Variants in CDON observed in about 807,000 individuals in gnomAD.
CDON encodes cell adhesion associated, oncogene regulated.
Under a neutral mutation model 120.9 loss-of-function variants are expected in CDON, and 73 were observed. That is an observed-to-expected ratio of 0.60 (90% CI 0.50 to 0.73). The LOEUF (loss-of-function observed/expected upper bound fraction) is 0.73. Ranked by LOEUF, CDON falls within the 30% of genes least tolerant of loss-of-function variation. The pLI is 0.00. For synonymous variants in CDON, 566 were observed against 573.5 expected (o/e 0.99, Z 0.19); for missense variants, 1,470 against 1,587.3 (o/e 0.93, Z 1.26).
chr11:126,055,179 T>C (rs1357612701), intron 1 of CDON, among the ~76,000 whole-genome samples: 2 of 152,180 alleles, frequency 1.3e-5, no homozygotes. Context: ...GATGAGTTAG[T>C]AGCAGTTTAA....
intron 18 of CDON, among the ~76,000 whole-genome samples, chr11:125,965,196 G>A (rs989108901): frequency 6.6e-6 from 1 of 152,174 alleles, no homozygotes; most frequent in African/African-American, 2.4e-5. Context: ...CTCCCAAAGT[G>A]CTAGGATTAC....
chr11:125,966,747 A>G (rs1055813461), intron 18 of CDON, among the ~76,000 whole-genome samples: 2 of 152,200 alleles, frequency 1.3e-5, no homozygotes, highest in African/African-American at 4.8e-5. Context: ...TATTACCTTG[A>G]AAGGGAACAA....
intron 1 of CDON, among the ~76,000 whole-genome samples, chr11:126,037,894 G>GA (rs1468614449): frequency 6.6e-6 from 1 of 151,938 alleles, no homozygotes; most frequent in African/African-American, 2.4e-5. Context: ...ATGTGTAAAT[G>GA]AAAAAACACA....
intron 7 of CDON, 192 bp downstream of exon 7, chr11:126,015,049 G>A: frequency 1.6e-6 from 1 of 626,000 alleles, no homozygotes; most frequent in Non-Finnish European, 2.8e-6. Context: ...TTTTTTTAAT[G>A]AGCTTGATTA....
chr11:126,034,572 C>A lies in CDON; in HGVS notation c.-61-11035G>T, dbSNP rs1948042449. ...AAGTCAAGTGTTCCTGTTCCACTCTCTTTCTAAGAGACTATTTCTTCCTGC... is the reference window on the plus strand; with the variant it reads ...AAGTCAAGTGTTCCTGTTCCACTCTATTTCTAAGAGACTATTTCTTCCTGC... On this transcript the variant is annotated intron_variant, in intron 1 of 19. Coordinates refer to ENST00000531738, the MANE Select transcript of CDON (RefSeq NM_001378964.1). The surrounding 1 kb of genome is among the most constrained non-coding windows in gnomAD (Gnocchi z 4.5). 6.6e-6 allele frequency among the ~76,000 whole-genome samples: 1 copy of A among 152,160 alleles called. No homozygotes were observed. The highest frequency in any genetic ancestry group is 1.5e-5 in the Non-Finnish European group (1 of 68,032).
At chr11:126,040,989 G>C (rs1447230935) in intron 1 of CDON, among the ~76,000 whole-genome samples, 1 of 151,746 alleles carries the variant, frequency 6.6e-6, no homozygotes, top group Non-Finnish European at 1.5e-5. Context: ...AGGAGTTCCA[G>C]ACCAGCCTGA....
intron 18 of CDON, among the ~76,000 whole-genome samples, chr11:125,977,203 C>G (rs1946171635): frequency 6.6e-6 from 1 of 152,162 alleles, no homozygotes; most frequent in East Asian, 1.9e-4. Flanking sequence ...AAATACGTAA[C>G]AAGCAAACCT....
At chr11:125,967,055 G>A (rs1468649156) in intron 18 of CDON, among the ~76,000 whole-genome samples, 3 of 151,028 alleles carry the variant, frequency 2.0e-5, no homozygotes, top group East Asian at 3.9e-4. Context: ...AGAAAGGAAT[G>A]AGTAGCAACA....
intron 7 of CDON, 137 bp downstream of exon 7, chr11:126,015,104 G>A (rs1947422189): frequency 1.2e-6 from 1 of 834,438 alleles, no homozygotes; most frequent in Non-Finnish European, 2.0e-6. Context: ...CACTAGCCAG[G>A]ACCATGGAAA....
rs773760381 is a variant in CDON, at chr11:126,017,336, T to C, written c.680A>G (p.His227Arg). The change falls in exon 6 of 20, where the codon CAT (histidine) becomes CGT (arginine). Residue 227 changes from histidine (H) to arginine (R), a missense_variant. His to Arg is a conservative substitution (Grantham distance 29, BLOSUM62 0). Transcript: ENST00000531738. ...AGAAAGAACAGCTAATGCCTGTGAA[T>C]GGGTGGGGTGAAGAATGTGAACATC... Reference protein sequence around the residue: ...SDDVHILHPTHSQALAVLSRS... With the variant: ...SDDVHILHPTRSQALAVLSRS... 1.8e-5 allele frequency: 29 copies of C among 1,614,140 alleles called. No individual in the cohort carries two copies. Among genetic ancestry groups the C allele is most frequent in the Non-Finnish European group, 2.5e-5 (29 of 1,180,026 alleles).
intron 1 of CDON, among the ~76,000 whole-genome samples, chr11:126,057,982 G>C (rs1051529042): frequency 6.6e-6 from 1 of 152,150 alleles, no homozygotes; most frequent in East Asian, 1.9e-4. Flanking sequence ...TACAGACAAA[G>C]ACCCCCAAGG....
Position 126,034,650 on chromosome 11 carries a change from G to T in CDON, c.-61-11113C>A, listed in dbSNP as rs1948044771. 6.6e-6 allele frequency among the ~76,000 whole-genome samples: 1 copy of T among 152,190 alleles called. No homozygotes were observed. Among genetic ancestry groups the T allele is most frequent in the Non-Finnish European group, 1.5e-5 (1 of 68,042 alleles). ...TGAAGATAATCCTGGCATCCACAGT[G>T]GGTTGTACAGGAGCATTATAAATAT... On this transcript the variant is annotated intron_variant, in intron 1 of 19. Transcript: ENST00000531738. This position sits in a 1 kb window ranked among gnomAD's most constrained non-coding sequence, Gnocchi z 4.5.
chr11:125,961,809 T>G lies in CDON; in HGVS notation c.3546A>C (p.Pro1182=). 1 of 1,614,210 alleles carries G rather than the reference T, an allele frequency of 6.2e-7. No individual in the cohort carries two copies. The highest frequency in any genetic ancestry group is 1.1e-5 in the South Asian group (1 of 91,084). Residue 1182 remains proline, a synonymous_variant, in exon 19 of 20, where the codon CCA becomes CCC. Coordinates refer to ENST00000531738, the MANE Select transcript of CDON (RefSeq NM_001378964.1). ...PEESVKDNVE[P]VPTQRTCCQD... ...GACAGCAGGTACGCTGAGTAGGGACTGGTTCCACATTGTCCTTGACGCTCT... is the reference window on the plus strand; with the variant it reads ...GACAGCAGGTACGCTGAGTAGGGACGGGTTCCACATTGTCCTTGACGCTCT...
chr11:126,027,969 C>CTTTTTTTTTT (rs769832631), intron 1 of CDON, among the ~76,000 whole-genome samples: 5 of 125,732 alleles, frequency 4.0e-5, no homozygotes, highest in South Asian at 5.3e-4. Flanking sequence ...ATCACTCTGC[C>CTTTTTTTTTT]TTTTTTTTTT....
intron 16 of CDON, 37 bp from the exon 17 acceptor site, chr11:125,981,366 A>G (rs1565501187): frequency 1.3e-6 from 2 of 1,573,958 alleles, no homozygotes; most frequent in Non-Finnish European, 1.7e-6. Flanking sequence ...ACACGCACAC[A>G]CACACACGCA....
intron 1 of CDON, among the ~76,000 whole-genome samples, chr11:126,038,136 G>A (rs181857900): frequency 3.3e-5 from 5 of 152,212 alleles, no homozygotes; most frequent in South Asian, 2.1e-4. Flanking sequence ...AGTAGGAGAC[G>A]TGAAGTTCAG....
At chr11:126,013,081 C>T (rs966312179) in intron 7 of CDON, among the ~76,000 whole-genome samples, 2 of 152,344 alleles carry the variant, frequency 1.3e-5, no homozygotes, top group Admixed American at 6.5e-5. Flanking sequence ...TACTTAATTA[C>T]GTCCAATGTT....
At chr11:125,999,537 T>C (rs1168058344) in intron 11 of CDON, among the ~76,000 whole-genome samples, 1 of 152,222 alleles carries the variant, frequency 6.6e-6, no homozygotes, top group East Asian at 1.9e-4. Context: ...AAATCTTTTC[T>C]TGTGGTTATT....
chr11:126,012,196 A>C (rs1947323085), intron 7 of CDON, among the ~76,000 whole-genome samples: 1 of 152,204 alleles, frequency 6.6e-6, no homozygotes, highest in South Asian at 2.1e-4. Flanking sequence ...CAAGGTCCTT[A>C]AAATATTATG....
Sources: gnomAD v4.1 joint callset for allele counts (sites outside exome capture counted in the v4.1 genomes callset) on GRCh38, gnomAD v4.1.1 for gene constraint, Gnocchi (gnomAD v3.1) non-coding constraint, MANE v1.5 for transcripts, NCBI Gene and HGNC (gene_info 2026-07-23, HGNC 2026-07-21) for gene names.